The following MPC2 variants were observed in gnomAD, a reference collection of about 807,000 sequenced individuals.
MPC2 encodes brain protein 44.
A neutral mutation model predicts 19.2 loss-of-function variants in MPC2; 19 were observed. The observed-to-expected ratio is 0.99, with a 90% CI of 0.69 to 1.45. MPC2 has a LOEUF of 1.45. MPC2 is among the 40% of genes most tolerant of loss of function. The probability of loss-of-function intolerance (pLI) is 0.00; values close to 1 mark genes in which losing one functional copy is unlikely to be tolerated. For synonymous variants in MPC2, 61 were observed against 54.3 expected (o/e 1.12, Z -0.54); for missense variants, 122 against 153.0 (o/e 0.80, Z 1.07).
chr1:167,936,419 C>T (rs1041060488), intron 1 of MPC2: 1 of 180,820 alleles, frequency 5.5e-6, no homozygotes, highest in Non-Finnish European at 1.2e-5. Context: ...GAGCGAGAGA[C>T]TACAGAATTG....
At chr1:167,935,608 A>G in intron 2 of MPC2, 125 bp downstream of exon 2, 1 of 732,826 alleles carries the variant, frequency 1.4e-6, no homozygotes, top group East Asian at 2.7e-5. Flanking sequence ...AGACGGCTTC[A>G]CTTGAAGGGA....
chr1:167,917,396 C>T lies in MPC2; in HGVS notation c.*927G>A, dbSNP rs144107237. 1,833 of 152,158 alleles carry T rather than the reference C, an allele frequency of 0.012. 44 individuals are homozygous for T. Among genetic ancestry groups the T allele is most frequent in the African/African-American group, 0.041 (1,716 of 41,456 alleles). The allele number at this position is 152,158 out of a possible 1,614,324, so 9.4% of individuals were successfully genotyped here. A position where few individuals can be genotyped will look rare whatever the true frequency, so the allele number is the denominator to read the frequency against. ...GGCAGATCACCTGAGCCCAGGAGTT[C>T]GAGACCAGCCTGGGCAACATGACAA... On this transcript the variant is annotated 3_prime_UTR_variant, in exon 6 of 6. Transcript: ENST00000271373.
At chr1:167,931,889 A>C (rs1670922524) in intron 2 of MPC2, among the ~76,000 whole-genome samples, 1 of 152,178 alleles carries the variant, frequency 6.6e-6, no homozygotes, top group Non-Finnish European at 1.5e-5. Context: ...TAGGTCTTTA[A>C]AATTAAACAA....
Position 167,920,589 on chromosome 1 carries a change from C to G in MPC2, c.193G>C (p.Glu65Gln), listed in dbSNP as rs1442350019. The change falls in exon 4 of 6, where the codon GAA becomes CAA. Residue 65 changes from glutamate to glutamine, a missense_variant. Glu to Gln is a conservative substitution (Grantham distance 29, BLOSUM62 2). Transcript: ENST00000271373. ...GCAGATTGAGCTGTGCTAAGTTTTT[C>G]TGCAGGTCTGGCCATATCAGCCAAT... Reference protein sequence around the residue: ...AGLADMARPAEKLSTAQSAVL... With the variant: ...AGLADMARPAQKLSTAQSAVL... The G allele has an allele frequency of 6.2e-7, 1 of 1,613,988 alleles. No homozygotes were observed. Among genetic ancestry groups the G allele is most frequent in the Non-Finnish European group, 8.5e-7 (1 of 1,179,928 alleles).
At chr1:167,928,145 G>A (rs1670806622) in intron 2 of MPC2, among the ~76,000 whole-genome samples, 1 of 152,008 alleles carries the variant, frequency 6.6e-6, no homozygotes, top group Admixed American at 6.5e-5. Flanking sequence ...TCAGAAGATC[G>A]AGACCATCCT....
intron 2 of MPC2, among the ~76,000 whole-genome samples, chr1:167,929,443 G>A (rs1029620710): frequency 2.6e-5 from 4 of 152,030 alleles, no homozygotes; most frequent in African/African-American, 9.7e-5. Flanking sequence ...GTTATTTTGT[G>A]TTTTATTGCC....
At chr1:167,921,690 G>C (rs908810361) in intron 3 of MPC2, among the ~76,000 whole-genome samples, 1 of 151,914 alleles carries the variant, frequency 6.6e-6, no homozygotes, top group Admixed American at 6.6e-5. Context: ...AGTTTTACTT[G>C]TTAATGTAAT....
At chr1:167,926,691 A>G (rs1277529558) in intron 2 of MPC2, among the ~76,000 whole-genome samples, 2 of 152,144 alleles carry the variant, frequency 1.3e-5, no homozygotes, top group African/African-American at 2.4e-5. Context: ...ACATCCTCCA[A>G]TGCGCAGGAC....
At chr1:167,935,182 A>T (rs1489351890) in intron 2 of MPC2, among the ~76,000 whole-genome samples, 1 of 152,188 alleles carries the variant, frequency 6.6e-6, no homozygotes, top group Non-Finnish European at 1.5e-5. Context: ...ATAAGGATAG[A>T]CTTAAAAAAA....
At position 167,918,334 on chromosome 1, in the gene MPC2, CT is replaced by C; in HGVS notation, c.372del (p.Ala125HisfsTer22). The C allele has an allele frequency of 6.4e-7, 1 of 1,567,800 alleles. No individual in the cohort carries two copies. Among genetic ancestry groups the C allele is most frequent in the Non-Finnish European group, 8.8e-7 (1 of 1,141,238 alleles). ...GATCAGGAACTCTTTTATTTGTGTGCTTTAGCTTTTAGTTCTTGGTTATATC... is the reference window on the plus strand; with the variant it reads ...GATCAGGAACTCTTTTATTTGTGTGCTTAGCTTTTAGTTCTTGGTTATATC... ...IWRYNQELKA[K>X]AHK is the part of the protein sequence containing the mutation. On this transcript the variant is annotated frameshift_variant, in exon 6 of 6. Coordinates refer to ENST00000271373, the MANE Select transcript of MPC2 (RefSeq NM_001143674.4). LOFTEE classifies it high-confidence loss of function.
chr1:167,925,453 A>C (rs1442611486), intron 2 of MPC2, among the ~76,000 whole-genome samples: 1 of 110,644 alleles, frequency 9.0e-6, no homozygotes, highest in African/African-American at 3.8e-5. Context: ...ATATATATAT[A>C]TATATATATA....
At chr1:167,936,127 A>C in intron 1 of MPC2, 4 of 459,936 alleles carry the variant, frequency 8.7e-6, no homozygotes, top group African/African-American at 2.0e-5. Context: ...CAAAATAATC[A>C]CCTCACCAAG....
At chr1:167,926,735 C>T (rs1240909733) in intron 2 of MPC2, among the ~76,000 whole-genome samples, 1 of 152,172 alleles carries the variant, frequency 6.6e-6, no homozygotes, top group Non-Finnish European at 1.5e-5. Context: ...TTAAGAAATC[C>T]TGGCCTAGGG....
intron 2 of MPC2, among the ~76,000 whole-genome samples, chr1:167,931,843 C>T (rs1352594744): frequency 2.6e-5 from 4 of 152,034 alleles, no homozygotes; most frequent in African/African-American, 7.2e-5. Context: ...AACATTGGTT[C>T]ATTTAGTTTA....
chr1:167,924,606 T>TCA (rs1670687695), intron 2 of MPC2, 69 bp from the exon 3 acceptor site: 3 of 1,143,638 alleles, frequency 2.6e-6, no homozygotes, highest in Non-Finnish European at 3.6e-6. Context: ...TTAACAGCTG[T>TCA]CACCAAATTT....
rs1023072628 is a variant in MPC2 at position 167,929,594 on chromosome 1, A to G, written c.110-5057T>C. ...ATTTAGTTGCCTTGAACTTCAATGA[A>G]CCTATTAATAAACTGACATAAACTT... On this transcript the variant is annotated intron_variant, in intron 2 of 5. Coordinates refer to ENST00000271373, the MANE Select transcript of MPC2 (RefSeq NM_001143674.4). 5.3e-5 allele frequency among the ~76,000 whole-genome samples: 8 copies of G among 152,304 alleles called. No individual in the cohort carries two copies. The South Asian group carries it at 8.3e-4, about 16-fold the overall frequency.
chr1:167,930,378 A>ATC (rs1670873677), intron 2 of MPC2, among the ~76,000 whole-genome samples: 1 of 152,216 alleles, frequency 6.6e-6, no homozygotes, highest in Non-Finnish European at 1.5e-5. Flanking sequence ...TGTTGAAATC[A>ATC]TCTACTGTAG....
chr1:167,920,550 T>C lies in MPC2; in HGVS notation c.232A>G (p.Thr78Ala). The change falls in exon 4 of 6, where the codon ACA becomes GCA. Residue 78 changes from threonine to alanine, a missense_variant. Transcript: ENST00000271373. ...AGAAGATATTTATTTAATTTACCTG[T>C]AGCCATCAAAACAGCAGATTGAGCT... ...STAQSAVLMA[T>A]GFIWSRYSLV... 1.9e-6 allele frequency: 3 copies of C among 1,613,634 alleles called. No individual in the cohort carries two copies. The highest frequency in any genetic ancestry group is 2.5e-6 in the Non-Finnish European group (3 of 1,179,726).
intron 2 of MPC2, among the ~76,000 whole-genome samples, chr1:167,925,532 T>G (rs1321054098): frequency 2.4e-4 from 33 of 135,678 alleles, no homozygotes; most frequent in African/African-American, 8.7e-4. Flanking sequence ...TTTTTTTTTT[T>G]GGTTTTTTTT....
Sources: gnomAD v4.1 joint callset for allele counts (sites outside exome capture counted in the v4.1 genomes callset) on GRCh38, gnomAD v4.1.1 for gene constraint, MANE v1.5 for transcripts, NCBI Gene and HGNC (gene_info 2026-07-23, HGNC 2026-07-21) for gene names.